Variants in POGZ observed in about 807,000 individuals in gnomAD.
POGZ encodes the protein pogo transposable element derived with ZNF domain.
In POGZ, 17 loss-of-function variants were observed where a neutral mutation model predicts 134.6. The observed-to-expected ratio is 0.13, with a 90% CI of 0.09 to 0.19. The LOEUF (loss-of-function observed/expected upper bound fraction) is 0.19, where lower values mean the gene tolerates loss of function less well. Ranked by LOEUF, POGZ falls within the 10% of genes least tolerant of loss-of-function variation. The probability of loss-of-function intolerance (pLI) is 1.00; values close to 1 mark genes in which losing one functional copy is unlikely to be tolerated. For missense variants in POGZ, 1,306 were observed against 1,769.7 expected, an observed-to-expected ratio of 0.74 and a Z score of 4.70; for synonymous variants, 693 against 657.1, an observed-to-expected ratio of 1.05 and a Z score of -0.84.
intron 17 of POGZ, 87 bp from the exon 18 acceptor site, chr1:151,406,718 T>C (rs886918792): frequency 8.4e-7 from 1 of 1,186,328 alleles, no homozygotes; most frequent in African/African-American, 1.5e-5. Context: ...ACTTACTACA[T>C]ACAAATACGC....
rs921253954 is a variant in POGZ, at chr1:151,403,948, A to G, written c.*854T>C. On this transcript the variant is annotated 3_prime_UTR_variant, in exon 19 of 19. Transcript: ENST00000271715. The stretch of plus-strand genomic sequence containing the variant: ...TCGCTTCAGTATCTCTTGCTTGCTA[A>G]TAACACCTGTATGATCCTTTGTCCA... 29 of 985,368 alleles carry G rather than the reference A, an allele frequency of 2.9e-5. No homozygotes were observed. Among genetic ancestry groups the G allele is most frequent in the African/African-American group, 3.5e-5 (2 of 57,264 alleles). The allele number at this position is 985,368 out of a possible 1,614,324, so 61.0% of individuals were successfully genotyped here.
intron 15 of POGZ, 22 bp from the exon 16 acceptor site, chr1:151,407,313 TA>T: frequency 6.3e-7 from 1 of 1,578,730 alleles, no homozygotes; most frequent in Middle Eastern, 1.7e-4. Context: ...AAAGAAGTGG[TA>T]TGAGTTACGG....
rs761699453 is a variant in POGZ at position 151,403,832 on chromosome 1, A to G, written c.*970T>C. The G allele has an allele frequency of 1.6e-5, 16 of 985,496 alleles. No homozygotes were observed. Among genetic ancestry groups the G allele is most frequent in the Non-Finnish European group, 1.9e-5 (16 of 829,918 alleles). The allele number at this position is 985,496 out of a possible 1,614,324, so 61.0% of individuals were successfully genotyped here. On this transcript the variant is annotated 3_prime_UTR_variant, in exon 19 of 19. Coordinates refer to ENST00000271715, the MANE Select transcript of POGZ (RefSeq NM_015100.4). ...TAAACAGGCATGCTCTCCATCTAAC[A>G]GGATGAAGTTCAGTAAAGCAGGGAC...
At position 151,429,680 on chromosome 1, in the gene POGZ, T is replaced by C; in HGVS notation, c.491A>G (p.Gln164Arg). The change falls in exon 5 of 19, where the codon CAA becomes CGA. Residue 164 changes from glutamine to arginine, a missense_variant. Gln to Arg is a conservative substitution (Grantham distance 43). Coordinates refer to ENST00000271715, the MANE Select transcript of POGZ (RefSeq NM_015100.4). Reference protein sequence around the residue: ...GFPVRNVRPVQNAMNQVGIVL... With the variant: ...GFPVRNVRPVRNAMNQVGIVL... ...AATCCCAACCTGATTCATTGCATTT[T>C]GTACAGGCCGGACATTCCTTACAGG... is the stretch of plus-strand genomic sequence containing the variant. 6.2e-7 allele frequency: 1 copy of C among 1,613,146 alleles called. No individual in the cohort carries two copies. The highest frequency in any genetic ancestry group is 8.5e-7 in the Non-Finnish European group (1 of 1,179,182).
At chr1:151,441,842 C>A (rs1189031229) in intron 2 of POGZ, among the ~76,000 whole-genome samples, 1 of 152,208 alleles carries the variant, frequency 6.6e-6, no homozygotes, top group Non-Finnish European at 1.5e-5. Flanking sequence ...ATTTGATAAA[C>A]ACTGGTTAAT....
chr1:151,408,462 G>C lies in POGZ; in HGVS notation c.2181C>G (p.Val727=). 1 of 1,593,184 alleles carries C rather than the reference G, an allele frequency of 6.3e-7. No individual in the cohort carries two copies. Among genetic ancestry groups the C allele is most frequent in the South Asian group, 1.1e-5 (1 of 87,332 alleles). ...TGCGCTGGACAGGGGGATAAAGGAAGACAGGCAGAGGGTCCATTGAGGAGG... is the reference window on the plus strand; with the variant it reads ...TGCGCTGGACAGGGGGATAAAGGAACACAGGCAGAGGGTCCATTGAGGAGG... ...PLTSSMDPLP[V]FLYPPVQRSI... The change falls in exon 14 of 19, where the codon GTC becomes GTG. Residue 727 remains valine (V), a synonymous_variant. Coordinates refer to ENST00000271715, the MANE Select transcript of POGZ (RefSeq NM_015100.4).
intron 1 of POGZ, 57 bp from the exon 2 acceptor site, chr1:151,442,262 T>A: frequency 1.3e-6 from 2 of 1,517,838 alleles, no homozygotes; most frequent in South Asian, 1.2e-5. Context: ...TATTGCTTTA[T>A]ACCAAATATG....
Position 151,405,469 on chromosome 1 carries a change from G to A in POGZ, c.3566C>T (p.Ser1189Phe). 3 of 1,614,222 alleles carry A rather than the reference G, an allele frequency of 1.9e-6. No individual in the cohort carries two copies. The highest frequency in any genetic ancestry group is 1.7e-6 in the Non-Finnish European group (2 of 1,180,040). ...ACTCTCCTTTGCCTCTAGCAATATG[G>A]AGTCTGGCATGTTAGCAGGCTGATC... Reference protein sequence around the residue: ...QMDQPANMPDSILLEAKESGY... With the variant: ...QMDQPANMPDFILLEAKESGY... Residue 1189 changes from serine to phenylalanine, a missense_variant, in exon 19 of 19, where the codon TCC (serine) becomes TTC (phenylalanine). By Grantham distance (155) the Ser-to-Phe change is radical. This residue lies in a region of POGZ where 161 missense variants were observed against 185.4 expected (regional missense o/e 0.87). Coordinates refer to ENST00000271715, the MANE Select transcript of POGZ (RefSeq NM_015100.4). The surrounding 1 kb of genome is among the most constrained non-coding windows in gnomAD (Gnocchi z 4.9).
intron 3 of POGZ, 62 bp from the exon 4 acceptor site, chr1:151,430,903 A>T (rs2102308982): frequency 1.0e-6 from 1 of 966,810 alleles, no homozygotes; most frequent in African/African-American, 1.9e-5. Flanking sequence ...CCCACATTTT[A>T]CTTTATTTTA....
In POGZ at chr1:151,441,098, G is replaced by A; in HGVS notation, c.125-12C>T. The stretch of plus-strand genomic sequence containing the variant: ...CTGGCTCACAGAAACTGTGGGGAAG[G>A]GGAGGCATAGTCACTTGGAGACAGG... On this transcript the variant is annotated splice_polypyrimidine_tract_variant and intron_variant, in intron 2 of 18. Coordinates refer to ENST00000271715, the MANE Select transcript of POGZ (RefSeq NM_015100.4). 3 of 1,610,782 alleles carry A rather than the reference G, an allele frequency of 1.9e-6. No individual in the cohort carries two copies. The highest frequency in any genetic ancestry group is 2.5e-6 in the Non-Finnish European group (3 of 1,177,942).
rs767574417 is a variant in POGZ, at chr1:151,408,135, G to C, written c.2340C>G (p.Thr780=). The C allele has an allele frequency of 2.1e-5, 34 of 1,613,666 alleles. No homozygotes were observed. Among genetic ancestry groups the C allele is most frequent in the Non-Finnish European group, 2.8e-5 (33 of 1,179,788 alleles). ...YVHCSLCRYS[T]CCSRAYANHM... Reference sequence around the variant, plus strand: ...GGTTGGCATAAGCTCGAGAACAGCAGGTGCTATAGCGACACAGAGAGCAGT... The same window carrying C: ...GGTTGGCATAAGCTCGAGAACAGCACGTGCTATAGCGACACAGAGAGCAGT... Residue 780 remains threonine (T), a synonymous_variant, in exon 15 of 19, where the codon ACC becomes ACG. Transcript: ENST00000271715.
chr1:151,457,927 CAAAA>C (rs34068254), intron 1 of POGZ, among the ~76,000 whole-genome samples: 6,189 of 136,516 alleles, frequency 0.045, 183 homozygotes, highest in Non-Finnish European at 0.067. Flanking sequence ...AACTTCGTCT[CAAAA>C]AAAAAAAAAA....
Position 151,428,341 on chromosome 1 carries a change from G to A in POGZ, c.641C>T (p.Pro214Leu). Residue 214 changes from proline to leucine, a missense_variant, in exon 6 of 19, where the codon CCA becomes CTA. Physicochemically the swap from Pro to Leu is moderately conservative, Grantham distance 98 (BLOSUM62 -3). Around this residue, in one of 10 missense-constraint regions of POGZ, gnomAD observed 541 missense variants for 680.5 expected, o/e 0.80. Transcript: ENST00000271715. ...GGGCCTCACAGGCATTGTGGAGCCT[G>A]GCCTCACAGGGGTCATCTGGGAGAA... ...QVFSQMTPVRPGSTMPVRPTT... is the reference protein window; with the variant it reads ...QVFSQMTPVRLGSTMPVRPTT... 1 of 1,614,030 alleles carries A rather than the reference G, an allele frequency of 6.2e-7. No homozygotes were observed. Among genetic ancestry groups the A allele is most frequent in the Non-Finnish European group, 8.5e-7 (1 of 1,179,896 alleles).
At chr1:151,423,887 T>C in intron 9 of POGZ, 62 bp downstream of exon 9, 1 of 1,312,960 alleles carries the variant, frequency 7.6e-7, no homozygotes, top group South Asian at 1.4e-5. Context: ...AGACTTAAAA[T>C]ATATAAGAAA....
intron 3 of POGZ, among the ~76,000 whole-genome samples, chr1:151,436,214 TC>T (rs1346465470): frequency 2.6e-5 from 4 of 152,142 alleles, no homozygotes; most frequent in Non-Finnish European, 5.9e-5. Context: ...TGCCTTGGCT[TC>T]CCAAAGTGCT....
chr1:151,453,434 TTC>T (rs1387907508), intron 1 of POGZ, among the ~76,000 whole-genome samples: 3 of 151,096 alleles, frequency 2.0e-5, no homozygotes, highest in African/African-American at 7.2e-5. Context: ...ATATATACAT[TTC>T]TCTTTTTTTA....
intron 3 of POGZ, among the ~76,000 whole-genome samples, chr1:151,432,381 T>C (rs1658841132): frequency 6.6e-6 from 1 of 152,150 alleles, no homozygotes; most frequent in Non-Finnish European, 1.5e-5. Flanking sequence ...AGCAGTGGCT[T>C]ATCTTATACT....
chr1:151,429,390 A>T, intron 5 of POGZ: 1 of 331,642 alleles, frequency 3.0e-6, no homozygotes, highest in South Asian at 5.9e-5. Flanking sequence ...TACTTGATGA[A>T]GGGTGGTGAA....
chr1:151,430,089 C>T (rs900660270), intron 4 of POGZ, among the ~76,000 whole-genome samples: 1 of 152,080 alleles, frequency 6.6e-6, no homozygotes, highest in African/African-American at 2.4e-5. Context: ...TACAAACAAT[C>T]CTAAAAAATT....
Sources: allele counts gnomAD v4.1 joint callset (sites outside exome capture counted in the v4.1 genomes callset), GRCh38; gene constraint gnomAD v4.1.1; regional missense constraint gnomAD v4.1.1; non-coding constraint Gnocchi (gnomAD v3.1); transcripts MANE v1.5; gene names NCBI Gene and HGNC (gene_info 2026-07-23, HGNC 2026-07-21).